The following TSG101 variants were observed in gnomAD, a reference collection of about 807,000 sequenced individuals.
TSG101 encodes tumor susceptibility 101.
In TSG101, 19 loss-of-function variants were observed where a neutral mutation model predicts 48.5. The observed-to-expected ratio is 0.39, with a 90% CI of 0.27 to 0.58. The LOEUF is 0.58. TSG101 is among the 20% of genes least tolerant of loss of function. The pLI is 0.55. For missense variants in TSG101, 365 were observed against 484.4 expected, an observed-to-expected ratio of 0.75 and a Z score of 2.31; for synonymous variants, 174 against 169.4, an observed-to-expected ratio of 1.03 and a Z score of -0.21.
At chr11:18,499,283 A>T (rs1157206944) in intron 7 of TSG101, among the ~76,000 whole-genome samples, 1 of 115,244 alleles carries the variant, frequency 8.7e-6, no homozygotes, top group Non-Finnish European at 1.8e-5. Flanking sequence ...ATTTATATAT[A>T]TCATATATAT....
intron 8 of TSG101, among the ~76,000 whole-genome samples, chr11:18,483,155 T>G (rs957204662): frequency 1.1e-4 from 17 of 152,100 alleles, no homozygotes; most frequent in Admixed American, 2.6e-4. Context: ...TATCAGGGGT[T>G]CCAGCTTTTG....
intron 7 of TSG101, among the ~76,000 whole-genome samples, chr11:18,498,961 A>C: frequency 6.6e-6 from 1 of 152,070 alleles, no homozygotes; most frequent in South Asian, 2.1e-4. Flanking sequence ...TGATAGGACA[A>C]GTAAGATGAG....
chr11:18,485,379 A>AT (rs1305636530), intron 7 of TSG101, among the ~76,000 whole-genome samples: 1 of 152,156 alleles, frequency 6.6e-6, no homozygotes, highest in Admixed American at 6.5e-5. Flanking sequence ...TTAATAACCT[A>AT]TTTTCTGAAG....
intron 2 of TSG101, among the ~76,000 whole-genome samples, chr11:18,516,813 T>C (rs374828812): frequency 6.6e-6 from 1 of 151,392 alleles, no homozygotes; most frequent in South Asian, 2.1e-4. Context: ...TGGTGGCACA[T>C]GCCTGTAATC....
chr11:18,507,002 C>T (rs376697972), intron 5 of TSG101, 79 bp from the exon 6 acceptor site: 3 of 1,168,716 alleles, frequency 2.6e-6, no homozygotes, highest in Non-Finnish European at 3.7e-6. Context: ...ATATACATCA[C>T]ACTGTCAATA....
rs114011995 is a variant in TSG101 at position 18,516,903 on chromosome 11, T to C, written c.128-739A>G. Among the ~76,000 whole-genome samples, 921 of 151,924 alleles carry C rather than the reference T, an allele frequency of 6.1e-3. 5 individuals carry two copies. The highest frequency in any genetic ancestry group is 0.021 in the African/African-American group (871 of 41,488). On this transcript the variant is annotated intron_variant, in intron 2 of 9. Transcript: ENST00000251968. ...TTGCAGTGAGCCGAGACTGTGCCCA[T>C]TGCACTTTAGTCTGGGCAACAAGAG...
intron 1 of TSG101, among the ~76,000 whole-genome samples, chr11:18,524,168 GGC>G (rs1565097070): frequency 6.6e-6 from 1 of 152,178 alleles, no homozygotes; most frequent in Non-Finnish European, 1.5e-5. Flanking sequence ...AAATATAAGT[GGC>G]TGTATGTATG....
chr11:18,516,408 G>A (rs572865100), intron 2 of TSG101, among the ~76,000 whole-genome samples: 14 of 151,586 alleles, frequency 9.2e-5, no homozygotes, highest in East Asian at 5.9e-4. Context: ...GCAATGGCGC[G>A]ATTTTGGCTC....
intron 7 of TSG101, among the ~76,000 whole-genome samples, chr11:18,494,389 G>T (rs1308166138): frequency 1.3e-5 from 2 of 152,120 alleles, no homozygotes; most frequent in Non-Finnish European, 2.9e-5. Context: ...TTATGTTAGA[G>T]GTATTCTATA....
chr11:18,503,494 T>G (rs1449903007), intron 6 of TSG101, among the ~76,000 whole-genome samples: 1 of 150,542 alleles, frequency 6.6e-6, no homozygotes, highest in Non-Finnish European at 1.5e-5. Flanking sequence ...TGCCACAGCC[T>G]CCTGAGTAGC....
chr11:18,521,466 T>C (rs962490902), intron 1 of TSG101, among the ~76,000 whole-genome samples: 1 of 142,716 alleles, frequency 7.0e-6, no homozygotes, highest in African/African-American at 2.6e-5. Flanking sequence ...CCTCCTGGAC[T>C]CAAGTGATAC....
At chr11:18,496,756 T>C (rs1849790047) in intron 7 of TSG101, among the ~76,000 whole-genome samples, 2 of 152,074 alleles carry the variant, frequency 1.3e-5, no homozygotes, top group Non-Finnish European at 2.9e-5. Context: ...ACAGCACTGC[T>C]GCACTCCAGC....
chr11:18,507,605 A>T (rs1055812132), intron 5 of TSG101: 1 of 152,088 alleles, frequency 6.6e-6, no homozygotes, highest in African/African-American at 2.4e-5. Flanking sequence ...GAGGCTAATC[A>T]ACATAGAGGA....
chr11:18,506,361 G>A (rs1348364084), intron 6 of TSG101, among the ~76,000 whole-genome samples: 1 of 148,006 alleles, frequency 6.8e-6, no homozygotes, highest in Non-Finnish European at 1.5e-5. Context: ...TCAGCCAAGG[G>A]GAAAAATATT....
chr11:18,518,113 A>C (rs987154020), intron 2 of TSG101, among the ~76,000 whole-genome samples: 2 of 152,206 alleles, frequency 1.3e-5, no homozygotes, highest in Admixed American at 6.5e-5. Context: ...TTTAAAAACT[A>C]ACTTTAATTT....
At chr11:18,500,744 A>G (rs1266869252) in intron 7 of TSG101, among the ~76,000 whole-genome samples, 1 of 151,630 alleles carries the variant, frequency 6.6e-6, no homozygotes, top group African/African-American at 2.4e-5. Context: ...GTACTTTGCA[A>G]ATATTTTCTC....
intron 4 of TSG101, among the ~76,000 whole-genome samples, chr11:18,510,077 C>T (rs1006467009): frequency 3.5e-4 from 54 of 152,132 alleles, no homozygotes; most frequent in African/African-American, 1.0e-3. Flanking sequence ...CTTGGAAATA[C>T]GTGTTCTTAA....
At chr11:18,496,491 A>AT (rs1241196340) in intron 7 of TSG101, among the ~76,000 whole-genome samples, 1 of 148,432 alleles carries the variant, frequency 6.7e-6, no homozygotes, top group African/African-American at 2.5e-5. Context: ...ATAAAATAAA[A>AT]TAAAATAAAA....
intron 7 of TSG101, among the ~76,000 whole-genome samples, chr11:18,486,691 A>T (rs1249735784): frequency 7.9e-5 from 12 of 151,740 alleles, no homozygotes; most frequent in African/African-American, 2.7e-4. Context: ...TAGTTCAACC[A>T]TTGTGGAAGT....
Sources: allele counts gnomAD v4.1 joint callset (sites outside exome capture counted in the v4.1 genomes callset), GRCh38; gene constraint gnomAD v4.1.1; transcripts MANE v1.5; gene names NCBI Gene and HGNC (gene_info 2026-07-23, HGNC 2026-07-21).